RALGAPB: variants seen among roughly 807,000 people sequenced by gnomAD.
The protein encoded by RALGAPB is ral GTPase-activating protein subunit beta.
A neutral mutation model predicts 161.1 loss-of-function variants in RALGAPB; 25 were observed. The ratio of observed to expected loss-of-function variants is 0.16; its 90% confidence interval spans 0.11 to 0.22. The LOEUF is 0.22. Ranked by LOEUF, RALGAPB falls within the 10% of genes least tolerant of loss-of-function variation. The pLI, the probability that RALGAPB is intolerant of heterozygous loss-of-function variation, is 1.00. For synonymous variants in RALGAPB, 629 were observed against 626.1 expected (o/e 1.00, Z -0.07); for missense variants, 1,391 against 1,815.2 (o/e 0.77, Z 4.25).
chr20:38,555,651 G>A (rs893187703), intron 22 of RALGAPB, among the ~76,000 whole-genome samples: 1 of 152,118 alleles, frequency 6.6e-6, no homozygotes, highest in African/African-American at 2.4e-5. Flanking sequence ...GGCCCTAATA[G>A]CCTTGTTTCT....
intron 16 of RALGAPB, among the ~76,000 whole-genome samples, chr20:38,539,261 A>G (rs1426473752): frequency 6.6e-6 from 1 of 152,206 alleles, no homozygotes; most frequent in Non-Finnish European, 1.5e-5. Flanking sequence ...AGTGGGAGGA[A>G]GGATTACAAA....
Position 38,546,353 on chromosome 20 carries a change from A to G in RALGAPB, c.2825A>G (p.Lys942Arg), listed in dbSNP as rs1398538598. Residue 942 changes from lysine to arginine, a missense_variant, in exon 19 of 30, where the codon AAG becomes AGG. Lys to Arg is a conservative substitution (Grantham distance 26). Coordinates refer to ENST00000262879, the MANE Select transcript of RALGAPB (RefSeq NM_020336.4). ...TACTCCAGGCTGCCAACCATAAACA[A>G]GCATAGTTTCCGGTACTTTGTCTTG... is the stretch of plus-strand genomic sequence containing the variant. ...IKYSRLPTIN[K>R]HSFRYFVLDN... The G allele has an allele frequency of 6.2e-7, 1 of 1,614,124 alleles. No individual in the cohort carries two copies. Among genetic ancestry groups the G allele is most frequent in the South Asian group, 1.1e-5 (1 of 91,084 alleles).
intron 20 of RALGAPB, among the ~76,000 whole-genome samples, chr20:38,549,990 TG>T (rs1380413407): frequency 1.3e-5 from 2 of 152,216 alleles, no homozygotes; most frequent in Non-Finnish European, 2.9e-5. Context: ...TCATGTCCTT[TG>T]TAGGGACATG....
intron 13 of RALGAPB, among the ~76,000 whole-genome samples, chr20:38,529,200 C>G (rs966067123): frequency 3.3e-5 from 5 of 152,138 alleles, no homozygotes; most frequent in African/African-American, 9.7e-5. Context: ...GTATTTTATG[C>G]ATATTATTAA....
At chr20:38,512,608 A>G (rs1383401368) in intron 6 of RALGAPB, among the ~76,000 whole-genome samples, 1 of 152,208 alleles carries the variant, frequency 6.6e-6, no homozygotes, top group Non-Finnish European at 1.5e-5. Flanking sequence ...AACACTGTTG[A>G]ATTAAAGTGA....
At chr20:38,528,395 A>C (rs1461123413) in intron 13 of RALGAPB, among the ~76,000 whole-genome samples, 1 of 148,932 alleles carries the variant, frequency 6.7e-6, no homozygotes, top group Non-Finnish European at 1.5e-5. Context: ...ATTTAAATAC[A>C]AGTTCTTGCT....
Position 38,574,843 on chromosome 20 carries a change from C to T in RALGAPB, c.4361C>T (p.Pro1454Leu). The change falls in exon 30 of 30, where the codon CCC becomes CTC. Residue 1454 changes from proline (P) to leucine (L), a missense_variant. Pro to Leu is a moderately conservative substitution (Grantham distance 98). Transcript: ENST00000262879. Reference protein sequence around the residue: ...RKRLESDSYSPPHVRRKQKIT... With the variant: ...RKRLESDSYSLPHVRRKQKIT... Reference sequence around the variant, plus strand: ...AGACTGGAAAGTGACTCCTACAGTCCCCCCCATGTCCGCCGGAAACAGAAA... The same window carrying T: ...AGACTGGAAAGTGACTCCTACAGTCTCCCCCATGTCCGCCGGAAACAGAAA... 6.2e-7 allele frequency: 1 copy of T among 1,613,460 alleles called. No individual in the cohort carries two copies. Among genetic ancestry groups the T allele is most frequent in the Non-Finnish European group, 8.5e-7 (1 of 1,179,498 alleles).
intron 1 of RALGAPB, among the ~76,000 whole-genome samples, chr20:38,488,067 G>GA (rs111893244): frequency 0.028 from 4,200 of 151,236 alleles, 188 homozygotes; most frequent in African/African-American, 0.096. Flanking sequence ...TCTCAAAAAA[G>GA]AAAAAAAATG....
rs139210003 is a variant in RALGAPB, at chr20:38,530,269, A to G, written c.2051-898A>G. ...CCAGTAACAACAGGAGGAGGCTACA[A>G]AATGATTACAGTAGTGCAGTATGTA... On this transcript the variant is annotated intron_variant, in intron 13 of 29. Coordinates refer to ENST00000262879, the MANE Select transcript of RALGAPB (RefSeq NM_020336.4). Among the ~76,000 whole-genome samples the G allele has an allele frequency of 2.1e-3, 313 of 152,360 alleles. 2 individuals are homozygous for G. Among genetic ancestry groups the G allele is most frequent in the African/African-American group, 7.1e-3 (294 of 41,588 alleles).
chr20:38,556,864 A>G (rs2087603474), intron 22 of RALGAPB, among the ~76,000 whole-genome samples: 1 of 152,244 alleles, frequency 6.6e-6, no homozygotes, highest in Admixed American at 6.5e-5. Flanking sequence ...TATTTGTAGT[A>G]AATTCATTTA....
intron 6 of RALGAPB, among the ~76,000 whole-genome samples, chr20:38,511,539 C>T (rs1227064018): frequency 2.0e-5 from 3 of 151,966 alleles, no homozygotes; most frequent in South Asian, 2.1e-4. Flanking sequence ...TGACTCTTAA[C>T]GGGTATGCTG....
At chr20:38,553,426 C>T (rs1253314018) in intron 21 of RALGAPB, among the ~76,000 whole-genome samples, 2 of 152,080 alleles carry the variant, frequency 1.3e-5, no homozygotes, top group Non-Finnish European at 2.9e-5. Context: ...ACTCTGCCCC[C>T]TTTCTTGCCT....
chr20:38,505,805 C>T (rs1434324452), intron 5 of RALGAPB, among the ~76,000 whole-genome samples: 2 of 152,104 alleles, frequency 1.3e-5, no homozygotes, highest in Admixed American at 1.3e-4. Context: ...GAAACTGAAC[C>T]TGCAAGATCT....
rs1043957034 is a variant in RALGAPB at position 38,551,105 on chromosome 20, A to G, written c.3044A>G (p.Asn1015Ser). The change falls in exon 21 of 30, where the codon AAT becomes AGT. Residue 1015 changes from asparagine (N) to serine (S), a missense_variant. Coordinates refer to ENST00000262879, the MANE Select transcript of RALGAPB (RefSeq NM_020336.4). The stretch of plus-strand genomic sequence containing the variant: ...CCTGAACCTCGCCCAGTTCCTAAAA[A>G]TGACGTTGGATTTAAATATTCTGTG... ...FVPEPRPVPK[N>S]DVGFKYSVKH... 2 of 1,613,896 alleles carry G rather than the reference A, an allele frequency of 1.2e-6. No homozygotes were observed. Among genetic ancestry groups the G allele is most frequent in the East Asian group, 2.2e-5 (1 of 44,896 alleles).
chr20:38,558,180 A>G (rs1601048649), intron 22 of RALGAPB, 115 bp from the exon 23 acceptor site: 1 of 879,698 alleles, frequency 1.1e-6, no homozygotes, highest in Non-Finnish European at 1.6e-6. Context: ...GTTTATTCCT[A>G]CCATTCTATA....
At chr20:38,513,139 G>T (rs111796067) in intron 6 of RALGAPB, among the ~76,000 whole-genome samples, 3 of 152,132 alleles carry the variant, frequency 2.0e-5, no homozygotes, top group African/African-American at 7.2e-5. Context: ...AGGCCAACGC[G>T]GGTAGATCAC....
Position 38,570,758 on chromosome 20 carries a change from T to C in RALGAPB, c.4064-11T>C, listed in dbSNP as rs2088201506. The C allele has an allele frequency of 6.4e-7, 1 of 1,550,808 alleles. No individual in the cohort carries two copies. ...GGAGATATTAATTGTAATGCTATTA[T>C]TTTCTTCCAGAAAACTTTCCCCTCT... On this transcript the variant is annotated splice_polypyrimidine_tract_variant and intron_variant, in intron 27 of 29. Transcript: ENST00000262879.
Position 38,551,090 on chromosome 20 carries a change from G to A in RALGAPB, c.3029G>A (p.Arg1010His), listed in dbSNP as rs768437434. The A allele has an allele frequency of 8.7e-6, 14 of 1,613,656 alleles. No homozygotes were observed. Among genetic ancestry groups the A allele is most frequent in the South Asian group, 1.1e-5 (1 of 91,072 alleles). The change falls in exon 21 of 30, where the codon CGC (arginine) becomes CAC (histidine). Residue 1010 changes from arginine to histidine, a missense_variant. Arg to His is a conservative substitution (Grantham distance 29). This residue lies in a region of RALGAPB where 946 missense variants were observed against 1,257.2 expected (regional missense o/e 0.75). Coordinates refer to ENST00000262879, the MANE Select transcript of RALGAPB (RefSeq NM_020336.4). ...ANQKLFVPEP[R>H]PVPKNDVGFK... Reference sequence around the variant, plus strand: ...TAACAGCTTTTTGTACCTGAACCTCGCCCAGTTCCTAAAAATGACGTTGGA... The same window carrying A: ...TAACAGCTTTTTGTACCTGAACCTCACCCAGTTCCTAAAAATGACGTTGGA...
chr20:38,535,017 A>G, intron 15 of RALGAPB, 57 bp from the exon 16 acceptor site: 2 of 1,570,578 alleles, frequency 1.3e-6, no homozygotes, highest in Non-Finnish European at 1.7e-6. Flanking sequence ...GCTTCTCGTT[A>G]CTAATGCTTA....
Sources: gnomAD v4.1 joint callset for allele counts (sites outside exome capture counted in the v4.1 genomes callset) on GRCh38, gnomAD v4.1.1 for gene constraint, gnomAD v4.1.1 regional missense constraint, MANE v1.5 for transcripts, NCBI Gene and HGNC (gene_info 2026-07-23, HGNC 2026-07-21) for gene names.